Variants in GABRB3 observed in about 807,000 individuals in gnomAD.
The protein encoded by GABRB3 is gamma-aminobutyric acid receptor subunit beta-3.
In GABRB3, 14 loss-of-function variants were observed where a neutral mutation model predicts 52.1. That is an observed-to-expected ratio of 0.27 (90% CI 0.18 to 0.42). GABRB3 has a LOEUF of 0.42. Ranked by LOEUF, GABRB3 falls within the 10% of genes least tolerant of loss-of-function variation. The pLI, the probability that GABRB3 is intolerant of heterozygous loss-of-function variation, is 1.00. For synonymous variants in GABRB3, 260 were observed against 232.3 expected (o/e 1.12, Z -1.08); for missense variants, 307 against 609.1 (o/e 0.50, Z 5.22).
chr15:26,562,193 T>C (rs1890015282), intron 7 of GABRB3, among the ~76,000 whole-genome samples: 1 of 152,162 alleles, frequency 6.6e-6, no homozygotes, highest in African/African-American at 2.4e-5. Context: ...AAGGCACGGA[T>C]CACTCCCTTG....
At chr15:26,581,275 T>A (rs1372939477) in intron 5 of GABRB3, 2 of 152,828 alleles carry the variant, frequency 1.3e-5, no homozygotes, top group Non-Finnish European at 2.9e-5. Context: ...AACAATATTA[T>A]CTCAATATAA....
chr15:26,570,904 AT>A (rs200477307), intron 6 of GABRB3, among the ~76,000 whole-genome samples: 5 of 151,956 alleles, frequency 3.3e-5, no homozygotes, highest in African/African-American at 9.7e-5. Context: ...TTGTGAGGTA[AT>A]TTTTTTTATA....
chr15:26,763,108 T>C (rs918058769), intron 3 of GABRB3, among the ~76,000 whole-genome samples: 1 of 152,164 alleles, frequency 6.6e-6, no homozygotes, highest in Non-Finnish European at 1.5e-5. Flanking sequence ...GCCCTAATTG[T>C]GGACTCTGAG....
chr15:26,645,538 C>T (rs1038546638), intron 3 of GABRB3, among the ~76,000 whole-genome samples: 7 of 152,084 alleles, frequency 4.6e-5, no homozygotes, highest in African/African-American at 1.7e-4. Flanking sequence ...AAAGAGCAAC[C>T]CTAACTCAAG....
chr15:26,695,350 A>T (rs142232341), intron 3 of GABRB3, among the ~76,000 whole-genome samples: 1 of 152,172 alleles, frequency 6.6e-6, no homozygotes, highest in Non-Finnish European at 1.5e-5. Flanking sequence ...GAGAACATAC[A>T]GTAGAGTGAA....
At chr15:26,680,547 G>A (rs1006115605) in intron 3 of GABRB3, among the ~76,000 whole-genome samples, 3 of 125,722 alleles carry the variant, frequency 2.4e-5, no homozygotes, top group African/African-American at 5.6e-5. Context: ...AACACTGTTC[G>A]ATATGTCTTC....
At chr15:26,746,553 T>C (rs550141331) in intron 3 of GABRB3, among the ~76,000 whole-genome samples, 1 of 151,796 alleles carries the variant, frequency 6.6e-6, no homozygotes, top group South Asian at 2.1e-4. Flanking sequence ...TTTCCGAAGT[T>C]TTACATTTTA....
At chr15:26,677,891 C>T (rs758006330) in intron 3 of GABRB3, among the ~76,000 whole-genome samples, 1 of 152,144 alleles carries the variant, frequency 6.6e-6, no homozygotes, top group South Asian at 2.1e-4. Flanking sequence ...AGGAGGGCAA[C>T]GAGGGCCTCC....
chr15:26,549,275 G>A (rs901677708), intron 8 of GABRB3, among the ~76,000 whole-genome samples: 1 of 152,194 alleles, frequency 6.6e-6, no homozygotes, highest in Non-Finnish European at 1.5e-5. Context: ...GGTGGTGAGA[G>A]GAGTCCTGCC....
At chr15:26,554,116 AAAGT>A (rs1375816267) in intron 8 of GABRB3, among the ~76,000 whole-genome samples, 1 of 102,764 alleles carries the variant, frequency 9.7e-6, no homozygotes, top group South Asian at 2.8e-4. Context: ...GTATATATAT[AAAGT>A]GTGTGTGTAT....
chr15:26,547,577 C>T lies in GABRB3; in HGVS notation c.*216G>A, dbSNP rs957201540. 1.7e-5 allele frequency: 10 copies of T among 599,902 alleles called. No homozygotes were observed. In the African/African-American group the frequency reaches 1.7e-4, roughly 10 times the overall value. The allele number at this position is 599,902 out of a possible 1,614,324, so 37.2% of individuals were successfully genotyped here. A position where few individuals can be genotyped will look rare whatever the true frequency, so the allele number is the denominator to read the frequency against. ...TATTTGTCTTCCATACACATGGGCA[C>T]TGACTCCTGTGTGTATAAACATATA... On this transcript the variant is annotated 3_prime_UTR_variant, in exon 9 of 9. Coordinates refer to ENST00000311550, the MANE Select transcript of GABRB3 (RefSeq NM_000814.6).
chr15:26,699,407 A>G (rs1288178636), intron 3 of GABRB3, among the ~76,000 whole-genome samples: 2 of 152,130 alleles, frequency 1.3e-5, no homozygotes, highest in African/African-American at 2.4e-5. Flanking sequence ...AAAATTCACA[A>G]TGTCTGGCAT....
chr15:26,752,555 G>A (rs1225830283), intron 3 of GABRB3, among the ~76,000 whole-genome samples: 2 of 151,966 alleles, frequency 1.3e-5, no homozygotes, highest in Admixed American at 6.6e-5. Context: ...GAGCCACCGC[G>A]CCCGGCCCCT....
chr15:26,738,341 C>A (rs547279517), intron 3 of GABRB3, among the ~76,000 whole-genome samples: 2 of 152,268 alleles, frequency 1.3e-5, no homozygotes, highest in African/African-American at 2.4e-5. Flanking sequence ...CCTCCGCCCC[C>A]CAAAATGCTG....
At chr15:26,593,399 T>C (rs1891276536) in intron 4 of GABRB3, among the ~76,000 whole-genome samples, 1 of 152,196 alleles carries the variant, frequency 6.6e-6, no homozygotes, top group African/African-American at 2.4e-5. Context: ...CGACCAACAC[T>C]ACTATCCATT....
At chr15:26,764,561 C>T (rs1890945317) in intron 3 of GABRB3, among the ~76,000 whole-genome samples, 1 of 152,202 alleles carries the variant, frequency 6.6e-6, no homozygotes, top group African/African-American at 2.4e-5. Context: ...GGTCTCCTGA[C>T]TACAAAGGAA....
intron 3 of GABRB3, among the ~76,000 whole-genome samples, chr15:26,652,779 T>C (rs1173651180): frequency 6.6e-6 from 1 of 152,160 alleles, no homozygotes; most frequent in East Asian, 1.9e-4. Context: ...ATTTTTGTAC[T>C]GCAACAATGA....
chr15:26,612,320 T>C (rs1015369604), intron 4 of GABRB3: 1 of 152,208 alleles, frequency 6.6e-6, no homozygotes, highest in Non-Finnish European at 1.5e-5. Context: ...AGCAATATGA[T>C]TGTAAGACTA....
At chr15:26,771,902 C>G (rs1891155669) in intron 3 of GABRB3, 1 of 152,802 alleles carries the variant, frequency 6.5e-6, no homozygotes, top group Non-Finnish European at 1.5e-5. Flanking sequence ...ACCGCAGAGA[C>G]ACCCCTGGAA....
Sources: gnomAD v4.1 joint callset for allele counts (sites outside exome capture counted in the v4.1 genomes callset) on GRCh38, gnomAD v4.1.1 for gene constraint, MANE v1.5 for transcripts, NCBI Gene and HGNC (gene_info 2026-07-23, HGNC 2026-07-21) for gene names.